Variants in FGF14 observed in about 807,000 individuals in gnomAD.
The protein encoded by FGF14 is fibroblast growth factor 14.
FGF14 carries 5 observed loss-of-function variants against 25.5 expected under a neutral mutation model. That is an observed-to-expected ratio of 0.20 (90% CI 0.10 to 0.41). FGF14 has a LOEUF of 0.41. Among genes scored for constraint, FGF14 ranks in the 10% least tolerant of loss-of-function variants. FGF14 has a pLI of 1.00. For missense variants in FGF14, 222 were observed against 320.1 expected, an observed-to-expected ratio of 0.69 and a Z score of 2.34; for synonymous variants, 138 against 118.3, an observed-to-expected ratio of 1.17 and a Z score of -1.08.
intron 1 of FGF14, among the ~76,000 whole-genome samples, chr13:102,104,613 A>G (rs1231386714): frequency 6.6e-6 from 1 of 151,918 alleles, no homozygotes; most frequent in Non-Finnish European, 1.5e-5. Context: ...TCATCTCTAC[A>G]AAAAATACAC....
At chr13:101,767,336 T>C (rs2038470240) in intron 3 of FGF14, among the ~76,000 whole-genome samples, 1 of 152,146 alleles carries the variant, frequency 6.6e-6, no homozygotes. Context: ...CTGATTTAAT[T>C]GGTCTGGTGT....
intron 1 of FGF14, among the ~76,000 whole-genome samples, chr13:102,309,439 A>G (rs2055608485): frequency 6.6e-6 from 1 of 152,178 alleles, no homozygotes; most frequent in South Asian, 2.1e-4. Flanking sequence ...TGGGAAGTGC[A>G]GTTTTATAGT....
At chr13:102,222,447 C>CAAATTAAGA (rs1191061934) in intron 1 of FGF14, among the ~76,000 whole-genome samples, 1 of 152,160 alleles carries the variant, frequency 6.6e-6, no homozygotes, top group African/African-American at 2.4e-5. Flanking sequence ...AGCCTTATAT[C>CAAATTAAGA]AAATTAAGAA....
At chr13:101,866,951 T>C (rs1012685229) in intron 3 of FGF14, among the ~76,000 whole-genome samples, 5 of 151,934 alleles carry the variant, frequency 3.3e-5, no homozygotes, top group African/African-American at 1.2e-4. Flanking sequence ...AACACCAACA[T>C]CTGTAAGTCA....
At chr13:102,176,391 G>A (rs574665408) in intron 1 of FGF14, among the ~76,000 whole-genome samples, 164 of 152,166 alleles carry the variant, frequency 1.1e-3, no homozygotes, top group African/African-American at 3.8e-3. Context: ...TAGAAAGACG[G>A]AAATAATTGA....
chr13:101,896,962 A>G (rs968870875), intron 1 of FGF14, among the ~76,000 whole-genome samples: 5 of 152,202 alleles, frequency 3.3e-5, no homozygotes, highest in African/African-American at 4.8e-5. Flanking sequence ...AAGAAAATAT[A>G]CTAGAGACAA....
chr13:102,277,405 G>T (rs918404701), intron 1 of FGF14, among the ~76,000 whole-genome samples: 1 of 152,206 alleles, frequency 6.6e-6, no homozygotes, highest in Non-Finnish European at 1.5e-5. Context: ...GGCACTCAAT[G>T]CCCTCCCTCC....
intron 3 of FGF14, among the ~76,000 whole-genome samples, chr13:101,846,201 A>G (rs115939081): frequency 2.0e-5 from 3 of 152,130 alleles, no homozygotes; most frequent in African/African-American, 7.2e-5. Context: ...ATCTTTTAAA[A>G]AAGGAAAAGA....
intron 1 of FGF14, among the ~76,000 whole-genome samples, chr13:102,089,416 C>T (rs2445943): frequency 0.7 from 106,936 of 152,052 alleles, 37,930 homozygotes; most frequent in African/African-American, 0.79. Flanking sequence ...GTAAGATGGG[C>T]TTCCATTCAT....
At chr13:102,046,341 T>C (rs2041981318) in intron 1 of FGF14, among the ~76,000 whole-genome samples, 1 of 152,166 alleles carries the variant, frequency 6.6e-6, no homozygotes, top group Admixed American at 6.5e-5. Flanking sequence ...TGCATAATGA[T>C]GTGGGAAAAT....
At chr13:102,064,772 G>A (rs1322673074) in intron 1 of FGF14, among the ~76,000 whole-genome samples, 1 of 151,842 alleles carries the variant, frequency 6.6e-6, no homozygotes, top group Non-Finnish European at 1.5e-5. Context: ...TTTACAAAGT[G>A]TGTATATTGT....
intron 1 of FGF14, among the ~76,000 whole-genome samples, chr13:102,044,962 A>C (rs2041915533): frequency 6.6e-6 from 1 of 152,126 alleles, no homozygotes; most frequent in Non-Finnish European, 1.5e-5. Context: ...GTGTCTACTC[A>C]TCCTCATTCT....
At chr13:102,363,888 C>A (rs1029218544) in intron 1 of FGF14, among the ~76,000 whole-genome samples, 1 of 152,176 alleles carries the variant, frequency 6.6e-6, no homozygotes, top group African/African-American at 2.4e-5. Flanking sequence ...CAGTGCCCTG[C>A]AGGATCCGGT....
intron 1 of FGF14, among the ~76,000 whole-genome samples, chr13:102,200,016 A>G (rs1243566071): frequency 6.6e-6 from 1 of 152,176 alleles, no homozygotes; most frequent in Admixed American, 6.5e-5. Context: ...CAGGTGTTAA[A>G]ATCCTGTTTC....
chr13:101,772,641 C>T (rs11069459), intron 3 of FGF14, among the ~76,000 whole-genome samples: 62,270 of 151,694 alleles, frequency 0.41, 14,373 homozygotes, highest in Non-Finnish European at 0.52. Flanking sequence ...ATATTGCAAC[C>T]CAAATAAGGC....
At chr13:101,947,702 T>C (rs2035902305) in intron 1 of FGF14, among the ~76,000 whole-genome samples, 1 of 152,084 alleles carries the variant, frequency 6.6e-6, no homozygotes, top group Non-Finnish European at 1.5e-5. Flanking sequence ...TAGGGAGGGA[T>C]CATGGATTGA....
At chr13:102,003,046 T>A (rs1594955145) in intron 1 of FGF14, 1 of 152,316 alleles carries the variant, frequency 6.6e-6, no homozygotes, top group East Asian at 1.9e-4. Context: ...AAATTTAGTA[T>A]AGACAGTTAC....
At chr13:102,361,044 G>A (rs1315177976) in intron 1 of FGF14, among the ~76,000 whole-genome samples, 1 of 152,096 alleles carries the variant, frequency 6.6e-6, no homozygotes, top group African/African-American at 2.4e-5. Context: ...AAAAAAGAGT[G>A]CATGTTAAGA....
At chr13:102,298,914 T>C (rs943810505) in intron 1 of FGF14, among the ~76,000 whole-genome samples, 1 of 152,180 alleles carries the variant, frequency 6.6e-6, no homozygotes, top group African/African-American at 2.4e-5. Context: ...ACTGAATAAA[T>C]GTGATGTGCT....
Sources: gnomAD v4.1 joint callset for allele counts (sites outside exome capture counted in the v4.1 genomes callset) on GRCh38, gnomAD v4.1.1 for gene constraint, MANE v1.5 for transcripts, NCBI Gene and HGNC (gene_info 2026-07-23, HGNC 2026-07-21) for gene names.